INF2: variants seen among roughly 807,000 people sequenced by gnomAD.
The protein encoded by INF2 is inverted formin-2.
INF2 carries 43 observed loss-of-function variants against 123.5 expected under a neutral mutation model. The observed-to-expected ratio is 0.35, with a 90% CI of 0.27 to 0.45. INF2 has a LOEUF of 0.45. Among genes scored for constraint, INF2 ranks in the 20% least tolerant of loss-of-function variants. The probability of loss-of-function intolerance (pLI) is 1.00; values close to 1 mark genes in which losing one functional copy is unlikely to be tolerated. For missense variants in INF2, 1,453 were observed against 1,682.7 expected, an observed-to-expected ratio of 0.86 and a Z score of 2.39; for synonymous variants, 851 against 745.0, an observed-to-expected ratio of 1.14 and a Z score of -2.32.
chr14:104,713,504 A>G lies in INF2; in HGVS notation c.2938A>G (p.Ile980Val), dbSNP rs1374161975. ...VCVIDALLAD[I>V]RKGFQLRKTA... is the part of the protein sequence containing the mutation. The stretch of plus-strand genomic sequence containing the variant: ...TGTCATCGATGCCCTGCTGGCTGAC[A>G]TCAGGAAGGGCTTCCAGCTGCGGAA... The change falls in exon 20 of 23, where the codon ATC becomes GTC. Residue 980 changes from isoleucine to valine, a missense_variant. Ile to Val is a conservative substitution (Grantham distance 29). Around this residue, in one of 8 missense-constraint regions of INF2, gnomAD observed 212 missense variants for 266.2 expected, o/e 0.80. Coordinates refer to ENST00000392634, the MANE Select transcript of INF2 (RefSeq NM_022489.4). 4.3e-6 allele frequency: 7 copies of G among 1,611,752 alleles called. No homozygotes were observed. The highest frequency in any genetic ancestry group is 5.9e-6 in the Non-Finnish European group (7 of 1,179,520).
At chr14:104,701,881 GGGCTTCCTGGAGGAGGACT>G (rs772486832) in intron 2 of INF2, 125 bp downstream of exon 2, 20 of 1,086,440 alleles carry the variant, frequency 1.8e-5, no homozygotes, top group Middle Eastern at 3.0e-4. Flanking sequence ...CAGGCAAGGA[GGGCTTCCTGGAGGAGGACT>G]GGCTTCCTGG....
In INF2 at chr14:104,709,960, G is replaced by A; in HGVS notation, c.2139-128G>A. ...GCGCAGGCCCGGGAGGGTGCCTGTTGGATGGGGCAGGCGGTGGAAACCCCC... is the reference window on the plus strand; with the variant it reads ...GCGCAGGCCCGGGAGGGTGCCTGTTAGATGGGGCAGGCGGTGGAAACCCCC... On this transcript the variant is annotated intron_variant, in intron 12 of 22. Coordinates refer to ENST00000392634, the MANE Select transcript of INF2 (RefSeq NM_022489.4). 3 of 858,430 alleles carry A rather than the reference G, an allele frequency of 3.5e-6. No homozygotes were observed. The South Asian group carries it at 4.3e-5, about 12-fold the overall frequency. The allele number at this position is 858,430 out of a possible 1,614,324, so 53.2% of individuals were successfully genotyped here. A position where few individuals can be genotyped will look rare whatever the true frequency, so the allele number is the denominator to read the frequency against.
intron 6 of INF2, 66 bp downstream of exon 6, chr14:104,706,242 G>T: frequency 6.8e-7 from 1 of 1,472,244 alleles, no homozygotes; most frequent in Non-Finnish European, 9.2e-7. Context: ...AGGTCCAGAG[G>T]CTGGGCCTGG....
chr14:104,707,705 C>G lies in INF2; in HGVS notation c.1438C>G (p.Leu480Val). Residue 480 changes from leucine (L) to valine (V), a missense_variant, in exon 8 of 23, where the codon CTG becomes GTG. Leu to Val is a conservative substitution (Grantham distance 32). Transcript: ENST00000392634. ...CCCAGCACCTCCTCTACCACCACCC[C>G]TGCCAGGCTCCTGTGAGTTCCTGCC... Reference protein sequence around the residue: ...APPAPPLPPPLPGSCEFLPPP... With the variant: ...APPAPPLPPPVPGSCEFLPPP... 2.4e-6 allele frequency: 3 copies of G among 1,243,942 alleles called. No homozygotes were observed. The highest frequency in any genetic ancestry group is 3.4e-6 in the Non-Finnish European group (3 of 884,038). The allele number at this position is 1,243,942 out of a possible 1,614,324, so 77.1% of individuals were successfully genotyped here.
rs573567814 is a variant in INF2, at chr14:104,707,525, A to ACCCCACCCCCAC, written c.1274_1285dup (p.Pro425_Pro428dup). The stretch of plus-strand genomic sequence containing the variant: ...CAGAGCCCTGGAGCAGCAGGCGTCC[A>ACCCCACCCCCAC]CCCCACCCCCACCCCCACCCCCACC... On this transcript the variant is annotated inframe_insertion, in exon 8 of 23. Coordinates refer to ENST00000392634, the MANE Select transcript of INF2 (RefSeq NM_022489.4). 3 of 1,379,322 alleles carry ACCCCACCCCCAC rather than the reference A, an allele frequency of 2.2e-6. No homozygotes were observed. The highest frequency in any genetic ancestry group is 3.5e-5 in the East Asian group (1 of 28,542). The allele number at this position is 1,379,322 out of a possible 1,614,324, so 85.4% of individuals were successfully genotyped here. A position where few individuals can be genotyped will look rare whatever the true frequency, so the allele number is the denominator to read the frequency against.
intron 17 of INF2, 78 bp from the exon 18 acceptor site, chr14:104,712,750 C>T (rs1211658288): frequency 4.9e-5 from 74 of 1,504,414 alleles, no homozygotes; most frequent in Non-Finnish European, 4.7e-5. Context: ...GGCCGTCACC[C>T]TCCCGCAACT....
At chr14:104,701,070 T>G (rs1378090018) in intron 1 of INF2, among the ~76,000 whole-genome samples, 1 of 152,156 alleles carries the variant, frequency 6.6e-6, no homozygotes, top group Non-Finnish European at 1.5e-5. Flanking sequence ...GCTGCAGGTT[T>G]CTGAGCCGGC....
intron 1 of INF2, 30 bp from the exon 2 acceptor site, chr14:104,701,327 C>T (rs533549882): frequency 5.8e-6 from 9 of 1,546,650 alleles, no homozygotes; most frequent in East Asian, 4.9e-5. Context: ...ATCCCCTCCC[C>T]GCTGACGGCT....
intron 1 of INF2, among the ~76,000 whole-genome samples, chr14:104,692,449 C>T (rs1889000491): frequency 6.6e-6 from 1 of 152,034 alleles, no homozygotes; most frequent in Admixed American, 6.5e-5. Context: ...ATGGGCTGGC[C>T]CCACAGAGTA....
upstream of INF2, among the ~76,000 whole-genome samples, chr14:104,686,025 AGGTGGG>A (rs1888653670): frequency 3.6e-5 from 1 of 27,614 alleles, no homozygotes; most frequent in Non-Finnish European, 7.1e-5. Context: ...GTGGGTGGGT[AGGTGGG>A]TGGGTGGATG....
intron 13 of INF2, 62 bp from the exon 14 acceptor site, chr14:104,710,875 C>A (rs2140682497): frequency 1.4e-6 from 2 of 1,467,880 alleles, no homozygotes; most frequent in East Asian, 4.8e-5. Flanking sequence ...CCACACCCCA[C>A]CGCCAGGGCA....
intron 8 of INF2, 93 bp from the exon 9 acceptor site, chr14:104,708,343 C>T (rs866086176): frequency 6.6e-7 from 1 of 1,515,102 alleles, no homozygotes; most frequent in Non-Finnish European, 9.0e-7. Context: ...GCAGGACATC[C>T]TTTAGACCCT....
At chr14:104,710,329 C>G (rs1432209091) in intron 13 of INF2, 141 bp downstream of exon 13, 1 of 635,600 alleles carries the variant, frequency 1.6e-6, no homozygotes. Context: ...CACCACCACT[C>G]CGGAAACCAC....
Position 104,684,246 on chromosome 14 carries a change from G to A in INF2, c.-104+2664G>A, listed in dbSNP as rs541713954. The stretch of plus-strand genomic sequence containing the variant: ...GAAGGAGGCTGGGGAGGGACAGCTC[G>A]AGGGCTCACTGGAGGTCAGCAGGGA... On this transcript the variant is annotated intron_variant, in intron 1 of 2. Transcript: ENST00000674723. This position sits in a 1 kb window ranked among gnomAD's most constrained non-coding sequence, Gnocchi z 5.0. 2.8e-3 allele frequency: 1,206 copies of A among 423,188 alleles called. 4 individuals carry two copies. The highest frequency in any genetic ancestry group is 4.6e-3 in the Non-Finnish European group (967 of 208,610). 26.2% of individuals were successfully genotyped at this position (423,188 alleles called of 1,614,324 possible).
chr14:104,715,370 C>A, intron 22 of INF2, 30 bp downstream of exon 22: 1 of 1,598,288 alleles, frequency 6.3e-7, no homozygotes, highest in Non-Finnish European at 8.6e-7. Flanking sequence ...TCCGTGGGGG[C>A]TAACAGCAGC....
chr14:104,697,894 G>GGT (rs1566775425), intron 1 of INF2, among the ~76,000 whole-genome samples: 2 of 152,206 alleles, frequency 1.3e-5, no homozygotes, highest in African/African-American at 4.8e-5. Context: ...TGCCGGGGGG[G>GGT]GTGGATGGGA....
chr14:104,715,902 C>T (rs751135606), intron 22 of INF2: 3 of 456,400 alleles, frequency 6.6e-6, no homozygotes, highest in Non-Finnish European at 1.3e-5. Context: ...TGCAACCCCC[C>T]TCCTGTTGGA....
chr14:104,718,697 G>A (rs1029221530), intron 22 of INF2, 98 bp from the exon 23 acceptor site: 49 of 1,559,402 alleles, frequency 3.1e-5, no homozygotes, highest in East Asian at 4.8e-5. Flanking sequence ...GGACAGTGGC[G>A]ATGAGGGGTT....
Position 104,689,649 on chromosome 14 carries a change from G to A in INF2, c.-100G>A, listed in dbSNP as rs528067668. The A allele has an allele frequency of 7.0e-5, 68 of 975,310 alleles. No homozygotes were observed. The African/African-American group carries it at 1.0e-3, about 15-fold the overall frequency. 60.4% of individuals were successfully genotyped at this position (975,310 alleles called of 1,614,324 possible). On this transcript the variant is annotated 5_prime_UTR_variant, in exon 1 of 23. Coordinates refer to ENST00000392634, the MANE Select transcript of INF2 (RefSeq NM_022489.4). ...AGCCACCGTCCGAGCCTTGCGGAGC[G>A]CGGCAGTGGGCGCCGGCTGCCCGCA...
Sources: gnomAD v4.1 joint callset for allele counts (sites outside exome capture counted in the v4.1 genomes callset) on GRCh38, gnomAD v4.1.1 for gene constraint, gnomAD v4.1.1 regional missense constraint, Gnocchi (gnomAD v3.1) non-coding constraint, MANE v1.5 for transcripts, NCBI Gene and HGNC (gene_info 2026-07-23, HGNC 2026-07-21) for gene names.